Variants in STPG2 observed in about 807,000 individuals in gnomAD.
The protein encoded by STPG2 is sperm tail PG-rich repeat containing 2, also known as sperm-tail PG-rich repeat-containing protein 2.
Under a neutral mutation model 54.2 loss-of-function variants are expected in STPG2, and 56 were observed. That is an observed-to-expected ratio of 1.03 (90% confidence interval 0.83 to 1.29). The LOEUF (loss-of-function observed/expected upper bound fraction) is 1.29. STPG2 is among the 50% of genes most tolerant of loss of function. The pLI is 0.00. For missense variants in STPG2, 596 were observed against 544.9 expected (o/e 1.09, Z -0.93); for synonymous variants, 200 against 181.8 (o/e 1.10, Z -0.81).
chr4:97,639,040 G>A (rs1383731279), intron 10 of STPG2, among the ~76,000 whole-genome samples: 3 of 151,958 alleles, frequency 2.0e-5, no homozygotes, highest in Non-Finnish European at 2.9e-5. Context: ...AAAGACACAC[G>A]CACACGTATG....
At chr4:97,755,820 AT>A (rs1228890981) in intron 9 of STPG2, among the ~76,000 whole-genome samples, 1 of 152,182 alleles carries the variant, frequency 6.6e-6, no homozygotes, top group African/African-American at 2.4e-5. Flanking sequence ...TCCTGTATCT[AT>A]TCCATGTTCT....
At chr4:97,623,740 G>C (rs1407618310) in intron 10 of STPG2, among the ~76,000 whole-genome samples, 1 of 152,082 alleles carries the variant, frequency 6.6e-6, no homozygotes, top group African/African-American at 2.4e-5. Flanking sequence ...CTATCGCCTA[G>C]GTATTAAGCC....
Position 97,797,807 on chromosome 4 carries a change from C to T in STPG2, c.1204+42966G>A, listed in dbSNP as rs184437420. ...CTTTGGTAGAATTCGGCTGCGAATC[C>T]GTCTGGTCCTGGACTTTTTTTGGTT... On this transcript the variant is annotated intron_variant, in intron 9 of 10. Transcript: ENST00000295268. 4.9e-4 allele frequency among the ~76,000 whole-genome samples: 74 copies of T among 152,230 alleles called. No homozygotes were observed. In the East Asian group the frequency reaches 0.012, roughly 24 times the overall value.
intron 5 of STPG2, among the ~76,000 whole-genome samples, chr4:98,028,319 ATT>A (rs1404644051): frequency 2.0e-5 from 3 of 152,158 alleles, no homozygotes; most frequent in Non-Finnish European, 4.4e-5. Flanking sequence ...TTCCTGTCAC[ATT>A]TTACTATAAG....
intron 4 of STPG2, among the ~76,000 whole-genome samples, chr4:97,478,963 T>C (rs1243671304): frequency 6.6e-6 from 1 of 150,958 alleles, no homozygotes; most frequent in Non-Finnish European, 1.5e-5. Flanking sequence ...AATTGGATGA[T>C]GGATGCAAAG....
chr4:97,554,543 T>C (rs1732036364), downstream of STPG2, among the ~76,000 whole-genome samples: 1 of 152,192 alleles, frequency 6.6e-6, no homozygotes, highest in Admixed American at 6.5e-5. Flanking sequence ...GGTTACTCTC[T>C]CATTTCTCTA....
rs1247833358 is a variant in STPG2, at chr4:97,972,395, A to G, written c.818T>C (p.Val273Ala). The G allele has an allele frequency of 2.5e-6, 4 of 1,605,012 alleles. No individual in the cohort carries two copies. Among genetic ancestry groups the G allele is most frequent in the East Asian group, 2.2e-5 (1 of 44,682 alleles). Residue 273 changes from valine to alanine, a missense_variant, in exon 7 of 11, where the codon GTT (valine) becomes GCT (alanine). Val to Ala is a moderately conservative substitution (Grantham distance 64). Coordinates refer to ENST00000295268, the MANE Select transcript of STPG2 (RefSeq NM_174952.3). ...CTGTTTCTTTGAGCAGATATTTCTA[A>G]CACTGGCAATTATAGTATTGTTCAA... ...NVLNNTIIAS[V>A]RNICSKKQKK...
At chr4:97,840,972 T>C (rs1578611831) in intron 8 of STPG2, 40 bp from the exon 9 acceptor site, 1 of 1,588,658 alleles carries the variant, frequency 6.3e-7, no homozygotes, top group South Asian at 1.2e-5. Context: ...ATATATCTTA[T>C]ACTGAAAATA....
chr4:97,522,312 C>T (rs1366715094), intron 4 of STPG2, among the ~76,000 whole-genome samples: 3 of 151,758 alleles, frequency 2.0e-5, no homozygotes, highest in African/African-American at 7.3e-5. Flanking sequence ...GTTTTTCTTC[C>T]ATTGAGGAGT....
chr4:97,895,189 A>T (rs948339114), intron 8 of STPG2, among the ~76,000 whole-genome samples: 1 of 151,264 alleles, frequency 6.6e-6, no homozygotes, highest in Non-Finnish European at 1.5e-5. Flanking sequence ...GAAATCTACC[A>T]TTGTGCCAGA....
At chr4:97,908,592 A>G (rs1286221557) in intron 8 of STPG2, among the ~76,000 whole-genome samples, 22 of 152,056 alleles carry the variant, frequency 1.4e-4, no homozygotes, top group African/African-American at 5.1e-4. Context: ...ATTATTCACA[A>G]TAGCAAAGAC....
At chr4:97,814,530 T>G (rs1277867142) in intron 9 of STPG2, among the ~76,000 whole-genome samples, 1 of 152,082 alleles carries the variant, frequency 6.6e-6, no homozygotes, top group East Asian at 1.9e-4. Context: ...TGGACAATAG[T>G]TGGCTAAATG....
intron 9 of STPG2, among the ~76,000 whole-genome samples, chr4:97,810,990 C>A (rs1224846634): frequency 6.6e-6 from 1 of 152,092 alleles, no homozygotes; most frequent in Non-Finnish European, 1.5e-5. Flanking sequence ...ATTATATATT[C>A]TTTTGTTCAC....
chr4:97,489,972 AG>A (rs1248514524), intron 4 of STPG2: 1 of 151,436 alleles, frequency 6.6e-6, no homozygotes, highest in Non-Finnish European at 1.5e-5. Context: ...TTATCTTCAT[AG>A]TGTATCAATG....
intron 8 of STPG2, among the ~76,000 whole-genome samples, chr4:97,875,390 A>G (rs1026525267): frequency 6.6e-6 from 1 of 151,370 alleles, no homozygotes; most frequent in African/African-American, 2.4e-5. Context: ...ATGCTGGGCT[A>G]AGAAAAAAAA....
intron 5 of STPG2, among the ~76,000 whole-genome samples, chr4:98,031,319 C>G (rs1736589908): frequency 6.6e-6 from 1 of 152,072 alleles, no homozygotes; most frequent in African/African-American, 2.4e-5. Context: ...ATTGGAGGAA[C>G]CCTTCTAGAT....
intron 5 of STPG2, among the ~76,000 whole-genome samples, chr4:98,058,520 A>G (rs1198000918): frequency 2.0e-5 from 3 of 152,248 alleles, no homozygotes; most frequent in Non-Finnish European, 2.9e-5. Flanking sequence ...ACTATCCTAT[A>G]TATACAGGTA....
At chr4:97,736,418 C>A (rs1251880500) in intron 9 of STPG2, among the ~76,000 whole-genome samples, 2 of 152,298 alleles carry the variant, frequency 1.3e-5, no homozygotes, top group East Asian at 3.9e-4. Context: ...TTGCCTCACT[C>A]AGGAAGCACA....
intron 9 of STPG2, among the ~76,000 whole-genome samples, chr4:97,724,442 G>A (rs1724555580): frequency 6.6e-6 from 1 of 151,990 alleles, no homozygotes; most frequent in Non-Finnish European, 1.5e-5. Flanking sequence ...TTATGAAATT[G>A]TTTTTTCTTA....
Sources: gnomAD v4.1 joint callset for allele counts (sites outside exome capture counted in the v4.1 genomes callset) on GRCh38, gnomAD v4.1.1 for gene constraint, MANE v1.5 for transcripts, NCBI Gene and HGNC (gene_info 2026-07-23, HGNC 2026-07-21) for gene names.